Variants in KIF2A observed in about 807,000 individuals in gnomAD.
KIF2A encodes kinesin family member 2A.
KIF2A carries 22 observed loss-of-function variants against 100.2 expected under a neutral mutation model. That is an observed-to-expected ratio of 0.22 (90% CI 0.16 to 0.31). The LOEUF is 0.31. KIF2A is among the 10% of genes least tolerant of loss of function. The probability of loss-of-function intolerance (pLI) is 1.00; values close to 1 mark genes in which losing one functional copy is unlikely to be tolerated. For synonymous variants in KIF2A, 268 were observed against 285.9 expected (o/e 0.94, Z 0.63); for missense variants, 495 against 898.7 (o/e 0.55, Z 5.74).
intron 1 of KIF2A, among the ~76,000 whole-genome samples, chr5:62,346,167 A>G (rs962955312): frequency 6.6e-6 from 1 of 151,658 alleles, no homozygotes; most frequent in African/African-American, 2.4e-5. Flanking sequence ...CTCTGTAGTT[A>G]TTATCAGATA....
chr5:62,338,044 A>G (rs1580040284), intron 1 of KIF2A, among the ~76,000 whole-genome samples: 1 of 152,314 alleles, frequency 6.6e-6, no homozygotes, highest in Non-Finnish European at 1.5e-5. Flanking sequence ...TTAAAGAACA[A>G]TAAGACAGGA....
chr5:62,367,584 T>C (rs1209916941), intron 16 of KIF2A, among the ~76,000 whole-genome samples: 1 of 152,116 alleles, frequency 6.6e-6, no homozygotes, highest in Admixed American at 6.6e-5. Context: ...GTGTTCTATA[T>C]GGGTTACATT....
chr5:62,351,817 T>C (rs980878154), intron 4 of KIF2A, among the ~76,000 whole-genome samples: 1 of 152,156 alleles, frequency 6.6e-6, no homozygotes, highest in Non-Finnish European at 1.5e-5. Flanking sequence ...ACTCTCTGTA[T>C]ATATTTGATT....
rs1247503072 is a variant in KIF2A, at chr5:62,352,614, A to G, written c.361A>G (p.Ser121Gly). Residue 121 changes from serine (S) to glycine (G), a missense_variant, in exon 5 of 21, where the codon AGT (serine) becomes GGT (glycine). Physicochemically the swap from Ser to Gly is moderately conservative, Grantham distance 56 (BLOSUM62 0). Transcript: ENST00000407818. Reference sequence around the variant, plus strand: ...GGTTGGTTCAGCACGTGCACGGCCCAGTCAATTTCCTGAACAGTCTTCCTC... The same window carrying G: ...GGTTGGTTCAGCACGTGCACGGCCCGGTCAATTTCCTGAACAGTCTTCCTC... ...RVVGSARARP[S>G]QFPEQSSSAQ... 6.9e-6 allele frequency: 11 copies of G among 1,594,530 alleles called. No homozygotes were observed. Among genetic ancestry groups the G allele is most frequent in the Non-Finnish European group, 9.4e-6 (11 of 1,169,516 alleles).
At chr5:62,374,689 C>T (rs1257555954) in intron 18 of KIF2A, among the ~76,000 whole-genome samples, 1 of 151,908 alleles carries the variant, frequency 6.6e-6, no homozygotes, top group African/African-American at 2.4e-5. Flanking sequence ...GCCTGTAATC[C>T]GAGGCCGAGG....
At chr5:62,309,962 G>GT (rs1262451881) in intron 1 of KIF2A, among the ~76,000 whole-genome samples, 1 of 151,106 alleles carries the variant, frequency 6.6e-6, no homozygotes, top group East Asian at 1.9e-4. Flanking sequence ...GTTTGGGTCT[G>GT]TAACTTTTTT....
At position 62,352,590 on chromosome 5, in the gene KIF2A, G is replaced by T. The variant is rs1274890324; in HGVS notation, c.337G>T (p.Val113Phe). Residue 113 changes from valine (V) to phenylalanine (F), a missense_variant and splice_region_variant, in exon 5 of 21, where the codon GTT becomes TTT. Val to Phe is a conservative substitution (Grantham distance 50). This residue lies in a region of KIF2A where 115 missense variants were observed against 143.6 expected (regional missense o/e 0.80). Transcript: ENST00000407818. ...AAATTTTTTTTTTTTACTTACAGTG[G>T]TTGGTTCAGCACGTGCACGGCCCAG... ...NDPPSRDNRV[V>F]GSARARPSQF... is the part of the protein sequence containing the mutation. 2 of 1,541,616 alleles carry T rather than the reference G, an allele frequency of 1.3e-6. No individual in the cohort carries two copies. Among genetic ancestry groups the T allele is most frequent in the African/African-American group, 2.8e-5 (2 of 71,646 alleles).
intron 1 of KIF2A, among the ~76,000 whole-genome samples, chr5:62,320,009 C>T (rs1174529488): frequency 6.6e-6 from 1 of 152,066 alleles, no homozygotes; most frequent in Non-Finnish European, 1.5e-5. Context: ...AGAGCATTAC[C>T]TCTTTTTCAT....
intron 6 of KIF2A, among the ~76,000 whole-genome samples, chr5:62,354,530 T>C (rs555833467): frequency 6.6e-6 from 1 of 152,304 alleles, no homozygotes; most frequent in South Asian, 2.1e-4. Flanking sequence ...ATTTCTGTTT[T>C]GAAGCCAAAT....
intron 17 of KIF2A, among the ~76,000 whole-genome samples, chr5:62,372,841 T>A (rs1034931458): frequency 2.7e-4 from 41 of 152,220 alleles, no homozygotes; most frequent in African/African-American, 9.4e-4. Context: ...ACCATCGAAT[T>A]GTTAAAAGAT....
At chr5:62,330,323 C>T (rs1746569120) in intron 1 of KIF2A, among the ~76,000 whole-genome samples, 3 of 152,006 alleles carry the variant, frequency 2.0e-5, no homozygotes. Context: ...TCAACTCCAG[C>T]CTGGGCGAGA....
chr5:62,377,360 T>G (rs1741595007), intron 18 of KIF2A, among the ~76,000 whole-genome samples: 1 of 152,194 alleles, frequency 6.6e-6, no homozygotes, highest in South Asian at 2.1e-4. Flanking sequence ...ATAACTGTAT[T>G]TTTGAAAAGT....
intron 1 of KIF2A, among the ~76,000 whole-genome samples, chr5:62,310,864 G>GT (rs1013233186): frequency 1.4e-4 from 21 of 149,144 alleles, no homozygotes; most frequent in Admixed American, 4.0e-4. Flanking sequence ...AGCTAGTTTG[G>GT]TTTTTTTTTT....
At chr5:62,353,895 A>T (rs1339508409) in intron 6 of KIF2A, among the ~76,000 whole-genome samples, 1 of 151,922 alleles carries the variant, frequency 6.6e-6, no homozygotes, top group African/African-American at 2.4e-5. Flanking sequence ...GTTTAATAGC[A>T]GTGGGAAAAT....
intron 1 of KIF2A, among the ~76,000 whole-genome samples, chr5:62,324,306 A>G (rs1455116349): frequency 2.0e-5 from 3 of 152,244 alleles, no homozygotes; most frequent in East Asian, 1.9e-4. Context: ...TACAGATTCA[A>G]TGCTATTTCT....
chr5:62,349,860 A>G (rs1327966502), intron 3 of KIF2A, among the ~76,000 whole-genome samples: 1 of 152,160 alleles, frequency 6.6e-6, no homozygotes, highest in South Asian at 2.1e-4. Context: ...TAATTCCTGA[A>G]TATTTTTGGA....
chr5:62,338,838 C>T (rs997545898), intron 1 of KIF2A, among the ~76,000 whole-genome samples: 11 of 152,012 alleles, frequency 7.2e-5, no homozygotes, highest in Middle Eastern at 3.4e-3. Context: ...TATAGAATTC[C>T]TATAGAGAAA....
At position 62,348,128 on chromosome 5, in the gene KIF2A, A is replaced by T; in HGVS notation, c.240A>T (p.Pro80=). Residue 80 remains proline, a synonymous_variant, in exon 3 of 21, where the codon CCA becomes CCT. Transcript: ENST00000407818. ...EEIEPSPETP[P]PPASSAKVNK... ...TTGAACCCAGTCCAGAAACACCTCCACCTCCAGCATCCTCAGCCAAAGTAA... is the reference window on the plus strand; with the variant it reads ...TTGAACCCAGTCCAGAAACACCTCCTCCTCCAGCATCCTCAGCCAAAGTAA... The T allele has an allele frequency of 6.2e-7, 1 of 1,613,638 alleles. No homozygotes were observed. The highest frequency in any genetic ancestry group is 8.5e-7 in the Non-Finnish European group (1 of 1,179,732).
At chr5:62,308,572 T>C in intron 1 of KIF2A, 1 of 702,186 alleles carries the variant, frequency 1.4e-6, no homozygotes, top group Admixed American at 2.0e-5. Flanking sequence ...GTATAGACAA[T>C]GTACAATGGA....
Sources: allele counts gnomAD v4.1 joint callset (sites outside exome capture counted in the v4.1 genomes callset), GRCh38; gene constraint gnomAD v4.1.1; regional missense constraint gnomAD v4.1.1; transcripts MANE v1.5; gene names NCBI Gene and HGNC (gene_info 2026-07-23, HGNC 2026-07-21).